Variants in ZBED4 observed in about 807,000 individuals in gnomAD.
ZBED4 encodes zinc finger BED-type containing 4.
In ZBED4, 4 loss-of-function variants were observed where a neutral mutation model predicts 15.5. That is an observed-to-expected ratio of 0.26 (90% CI 0.13 to 0.59). The LOEUF (loss-of-function observed/expected upper bound fraction) is 0.59. ZBED4 is among the 20% of genes least tolerant of loss of function. The probability of loss-of-function intolerance (pLI) is 0.90; values close to 1 mark genes in which losing one functional copy is unlikely to be tolerated. For synonymous variants in ZBED4, 692 were observed against 608.5 expected, an observed-to-expected ratio of 1.14 and a Z score of -2.02; for missense variants, 1,323 against 1,461.8, an observed-to-expected ratio of 0.91 and a Z score of 1.55.
rs764637852 is a variant in ZBED4, at chr22:49,887,033, G to GC, written c.3377dup (p.Ser1127LysfsTer14). 1.9e-6 allele frequency: 3 copies of GC among 1,614,100 alleles called. No homozygotes were observed. ...GCGCTGGCCGTCAGATTTTTGGGCT[G>GC]CCCCCCAAGCATCGTCCCTTCAGAA... On this transcript the variant is annotated frameshift_variant, in exon 2 of 2. Coordinates refer to ENST00000216268, the MANE Select transcript of ZBED4 (RefSeq NM_014838.3). LOFTEE classifies it high-confidence loss of function.
chr22:49,863,050 T>G (rs1257723803), intron 1 of ZBED4, among the ~76,000 whole-genome samples: 1 of 152,144 alleles, frequency 6.6e-6, no homozygotes, highest in Non-Finnish European at 1.5e-5. Flanking sequence ...CCACCTCCCG[T>G]GGAAGTATTT....
chr22:49,872,832 A>G (rs1355314634), intron 1 of ZBED4, among the ~76,000 whole-genome samples: 1 of 151,610 alleles, frequency 6.6e-6, no homozygotes, highest in African/African-American at 2.4e-5. Flanking sequence ...CAGCCTCCCG[A>G]GTAGCTGGGA....
intron 1 of ZBED4, among the ~76,000 whole-genome samples, chr22:49,864,945 C>CACCCCG (rs202214167): frequency 1.3e-5 from 1 of 75,994 alleles, no homozygotes. Context: ...AAGCCCCCCC[C>CACCCCG]CCCCCCCGTG....
intron 1 of ZBED4, among the ~76,000 whole-genome samples, 193 bp downstream of exon 1, chr22:49,854,182 C>T (rs1322557037): frequency 2.0e-5 from 3 of 146,554 alleles, no homozygotes; most frequent in African/African-American, 4.9e-5. Context: ...CCCGCGCGGA[C>T]CCCGGCCCTG....
intron 1 of ZBED4, among the ~76,000 whole-genome samples, chr22:49,866,378 C>G (rs1041574689): frequency 5.3e-5 from 8 of 151,788 alleles, no homozygotes; most frequent in South Asian, 2.1e-4. Flanking sequence ...CTTTTTTAAT[C>G]CCCTCATTTC....
rs115748239 is a variant in ZBED4, at chr22:49,854,809, G to A, written c.-330+820G>A. Reference sequence around the variant, plus strand: ...TTGGTGTTCTCGTGTTGGTCGAAAGGGAAGTTATTTATTTTGAAGTTAACT... The same window carrying A: ...TTGGTGTTCTCGTGTTGGTCGAAAGAGAAGTTATTTATTTTGAAGTTAACT... On this transcript the variant is annotated intron_variant, in intron 1 of 1. Coordinates refer to ENST00000216268, the MANE Select transcript of ZBED4 (RefSeq NM_014838.3). Among the ~76,000 whole-genome samples, 1,042 of 152,220 alleles carry A rather than the reference G, an allele frequency of 6.8e-3. 10 individuals are homozygous for A. The highest frequency in any genetic ancestry group is 0.023 in the African/African-American group (956 of 41,532).
rs747541628 is a variant in ZBED4, at chr22:49,885,050, A to G, written c.1388A>G (p.His463Arg). 20 of 1,612,252 alleles carry G rather than the reference A, an allele frequency of 1.2e-5. No individual in the cohort carries two copies. The African/African-American group carries it at 2.3e-4, about 18-fold the overall frequency. ...VMKRLKSEVW[H>R]HFSLAPMDSL... The stretch of plus-strand genomic sequence containing the variant: ...AAAAGACTGAAGTCGGAGGTCTGGC[A>G]TCACTTCTCCCTGGCCCCCATGGAC... The change falls in exon 2 of 2, where the codon CAT becomes CGT. Residue 463 changes from histidine (H) to arginine (R), a missense_variant. Physicochemically the swap from His to Arg is conservative, Grantham distance 29. Around this residue, in one of 6 missense-constraint regions of ZBED4, gnomAD observed 429 missense variants for 397.9 expected, o/e 1.08. Transcript: ENST00000216268.
rs41280555 is a variant in ZBED4 at position 49,889,509 on chromosome 22, T to G, written c.*2331T>G. On this transcript the variant is annotated 3_prime_UTR_variant, in exon 2 of 2. Coordinates refer to ENST00000216268, the MANE Select transcript of ZBED4 (RefSeq NM_014838.3). ...AGCTTTCAGCTTCATGCTGCTGTAT[T>G]TTTAGTTGAAGTGTTCTGAGTAACA... 1 of 167,260 alleles carries G rather than the reference T, an allele frequency of 6.0e-6. No individual in the cohort carries two copies. The highest frequency in any genetic ancestry group is 1.5e-5 in the Non-Finnish European group (1 of 68,106). The allele number at this position is 167,260 out of a possible 1,614,324, so 10.4% of individuals were successfully genotyped here.
intron 1 of ZBED4, among the ~76,000 whole-genome samples, chr22:49,857,877 C>G (rs2060281035): frequency 6.6e-6 from 1 of 152,222 alleles, no homozygotes. Context: ...CTTCCTCAGT[C>G]TCCTGAGTAG....
intron 1 of ZBED4, among the ~76,000 whole-genome samples, chr22:49,854,653 C>G (rs759613443): frequency 1.3e-5 from 2 of 152,214 alleles, no homozygotes; most frequent in Non-Finnish European, 2.9e-5. Context: ...TGGCCCACAC[C>G]GCCTTCGTTG....
chr22:49,857,860 G>A (rs2060281000), intron 1 of ZBED4, among the ~76,000 whole-genome samples: 1 of 152,218 alleles, frequency 6.6e-6, no homozygotes, highest in South Asian at 2.1e-4. Flanking sequence ...AGGTTAAAGC[G>A]ATTCTCCTTC....
At position 49,887,172 on chromosome 22, in the gene ZBED4, G is replaced by T; in HGVS notation, c.3510G>T (p.Gln1170His). The T allele has an allele frequency of 1.2e-6, 2 of 1,607,352 alleles. No individual in the cohort carries two copies. Among genetic ancestry groups the T allele is most frequent in the Non-Finnish European group, 1.7e-6 (2 of 1,175,774 alleles). ...LKVNLPLIYFQY is the reference protein window; with the variant it reads ...LKVNLPLIYFHY ...TGAATCTTCCCTTAATATACTTTCA[G>T]TATTGAAACTCACGACGGCACCACT... is the stretch of plus-strand genomic sequence containing the variant. The change falls in exon 2 of 2, where the codon CAG (glutamine) becomes CAT (histidine). Residue 1170 changes from glutamine to histidine, a missense_variant. Physicochemically the swap from Gln to His is conservative, Grantham distance 24 (BLOSUM62 0). Transcript: ENST00000216268.
At position 49,861,290 on chromosome 22, in the gene ZBED4, C is replaced by T. The variant is rs2236140; in HGVS notation, c.-330+7301C>T. ...CTGAGTAGCTGGGACTACAGGCACC[C>T]GCCACCACGCCCAGCTAATTTTTAT... On this transcript the variant is annotated intron_variant, in intron 1 of 1. Coordinates refer to ENST00000216268, the MANE Select transcript of ZBED4 (RefSeq NM_014838.3). 1.2e-3 allele frequency among the ~76,000 whole-genome samples: 177 copies of T among 149,520 alleles called. 5 individuals are homozygous for T. In the East Asian group the frequency reaches 0.025, roughly 21 times the overall value.
intron 1 of ZBED4, among the ~76,000 whole-genome samples, chr22:49,876,516 A>G (rs140696354): frequency 0.019 from 2,839 of 151,778 alleles, 38 homozygotes; most frequent in South Asian, 0.068. Context: ...TAATTTTGTG[A>G]TGTTGTTTGT....
chr22:49,882,668 G>A (rs1312413435), intron 1 of ZBED4, among the ~76,000 whole-genome samples: 2 of 152,054 alleles, frequency 1.3e-5, no homozygotes, highest in Non-Finnish European at 2.9e-5. Context: ...CACTTCCAGC[G>A]TTTACCATAG....
Position 49,889,621 on chromosome 22 carries a change from G to GA in ZBED4, c.*2444dup, listed in dbSNP as rs1246087041. 1 of 167,214 alleles carries GA rather than the reference G, an allele frequency of 6.0e-6. No individual in the cohort carries two copies. Among genetic ancestry groups the GA allele is most frequent in the South Asian group, 2.1e-4 (1 of 4,828 alleles). 10.4% of individuals were successfully genotyped at this position (167,214 alleles called of 1,614,324 possible). A position where few individuals can be genotyped will look rare whatever the true frequency, so the allele number is the denominator to read the frequency against. ...TGGCCCTTCCTGAATGACACTAGGAGAGTCATTTTATCTCATACATTCCCT... is the reference window on the plus strand; with the variant it reads ...TGGCCCTTCCTGAATGACACTAGGAGAAGTCATTTTATCTCATACATTCCCT... On this transcript the variant is annotated 3_prime_UTR_variant, in exon 2 of 2. Coordinates refer to ENST00000216268, the MANE Select transcript of ZBED4 (RefSeq NM_014838.3).
intron 1 of ZBED4, among the ~76,000 whole-genome samples, chr22:49,873,306 C>T (rs1353423124): frequency 1.3e-5 from 2 of 152,134 alleles, no homozygotes; most frequent in Non-Finnish European, 2.9e-5. Flanking sequence ...ATTAATCGGC[C>T]TAATTCTAAT....
At chr22:49,865,408 G>A (rs575236200) in intron 1 of ZBED4, among the ~76,000 whole-genome samples, 20 of 152,178 alleles carry the variant, frequency 1.3e-4, no homozygotes, top group African/African-American at 3.6e-4. Context: ...CCAGCACTTC[G>A]GGGGCTAAGG....
intron 1 of ZBED4, among the ~76,000 whole-genome samples, chr22:49,878,429 T>C (rs867944930): frequency 2.0e-5 from 3 of 151,756 alleles, no homozygotes; most frequent in Middle Eastern, 3.4e-3. Flanking sequence ...GGTGGAGCGA[T>C]AGAGAATCCA....
Sources: allele counts gnomAD v4.1 joint callset (sites outside exome capture counted in the v4.1 genomes callset), GRCh38; gene constraint gnomAD v4.1.1; regional missense constraint gnomAD v4.1.1; transcripts MANE v1.5; gene names NCBI Gene and HGNC (gene_info 2026-07-23, HGNC 2026-07-21).